PCDHA3: variants seen among roughly 807,000 people sequenced by gnomAD.
PCDHA3 encodes the protein protocadherin alpha 3.
A neutral mutation model predicts 62.2 loss-of-function variants in PCDHA3; 41 were observed. The observed-to-expected ratio is 0.66, with a 90% CI of 0.51 to 0.86. PCDHA3 has a LOEUF of 0.86. Among genes scored for constraint, PCDHA3 ranks in the 40% least tolerant of loss-of-function variants. The pLI is 0.00. For synonymous variants in PCDHA3, 640 were observed against 555.4 expected (o/e 1.15, Z -2.14); for missense variants, 1,304 against 1,241.2 (o/e 1.05, Z -0.76).
intron 1 of PCDHA3, among the ~76,000 whole-genome samples, chr5:140,908,751 C>T (rs1302522906): frequency 6.6e-6 from 1 of 152,170 alleles, no homozygotes; most frequent in Non-Finnish European, 1.5e-5. Context: ...GCAACTTGCA[C>T]ACAGCCTGGA....
chr5:140,878,125 A>T (rs1286133298), intron 1 of PCDHA3: 1 of 214,326 alleles, frequency 4.7e-6, no homozygotes, highest in Non-Finnish European at 9.0e-6. Flanking sequence ...ATATTAGATT[A>T]AAAAGTGGCC....
chr5:140,977,712 T>C (rs2153814265), intron 1 of PCDHA3, among the ~76,000 whole-genome samples: 1 of 152,306 alleles, frequency 6.6e-6, no homozygotes, highest in South Asian at 2.1e-4. Context: ...AATATTGAGA[T>C]GGTGATCATT....
chr5:140,871,461 A>G, intron 1 of PCDHA3: 1 of 1,605,278 alleles, frequency 6.2e-7, no homozygotes, highest in Non-Finnish European at 8.5e-7. Context: ...AGGAAGGGGA[A>G]AGACAGGAGC....
At chr5:140,835,925 C>A (rs1375358248) in intron 1 of PCDHA3, 3 of 1,612,234 alleles carry the variant, frequency 1.9e-6, no homozygotes, top group Non-Finnish European at 2.5e-6. Flanking sequence ...ACGCGGAGAG[C>A]GGCAAGGTGT....
At chr5:140,958,241 AT>A (rs2095415572) in intron 1 of PCDHA3, among the ~76,000 whole-genome samples, 1 of 152,118 alleles carries the variant, frequency 6.6e-6, no homozygotes, top group Non-Finnish European at 1.5e-5. Flanking sequence ...GTTTTTAACA[AT>A]TCTGAACAAA....
At chr5:140,926,850 G>A (rs375350613) in intron 1 of PCDHA3, 3 of 1,517,570 alleles carry the variant, frequency 2.0e-6, no homozygotes, top group African/African-American at 2.8e-5. Flanking sequence ...CTGGGTCACC[G>A]TTGGTGTAGC....
chr5:140,881,959 C>G (rs1012115110), intron 1 of PCDHA3: 146 of 352,464 alleles, frequency 4.1e-4, no homozygotes, highest in Non-Finnish European at 1.3e-4. Context: ...AACATTTAAT[C>G]TTCAATTACA....
chr5:140,857,086 A>G, intron 1 of PCDHA3: 1 of 1,596,918 alleles, frequency 6.3e-7, no homozygotes, highest in South Asian at 1.1e-5. Context: ...ATGATAATTC[A>G]CCTGAGGTGA....
Position 140,999,346 on chromosome 5 carries a change from T to C in PCDHA3, c.2543-10281T>C, listed in dbSNP as rs115221132. ...ATCTGTGTGATTTATAAGCCTTGTC[T>C]CTTTTTAATGTTCACAATCCCATTA... On this transcript the variant is annotated intron_variant, in intron 3 of 3. Transcript: ENST00000522353. Among the ~76,000 whole-genome samples the C allele has an allele frequency of 2.6e-3, 399 of 152,360 alleles. 2 individuals are homozygous for C. In the Middle Eastern group the frequency reaches 0.041, roughly 16 times the overall value.
chr5:141,003,254 G>A (rs782245010), intron 3 of PCDHA3, among the ~76,000 whole-genome samples: 17 of 152,190 alleles, frequency 1.1e-4, no homozygotes, highest in Non-Finnish European at 2.1e-4. Flanking sequence ...AAGATTCCTG[G>A]GCAGTGCCTA....
chr5:140,850,583 C>T, intron 1 of PCDHA3: 2 of 1,598,412 alleles, frequency 1.3e-6, no homozygotes, highest in South Asian at 1.1e-5. Context: ...TGGTGGATGT[C>T]AACGTGTACC....
chr5:140,927,587 T>C (rs1411741184), intron 1 of PCDHA3: 1 of 1,614,044 alleles, frequency 6.2e-7, no homozygotes, highest in African/African-American at 1.3e-5. Flanking sequence ...AACGCGCCTG[T>C]ATTTGAGCGC....
chr5:140,918,929 A>G (rs2078930762), intron 1 of PCDHA3, among the ~76,000 whole-genome samples: 1 of 152,226 alleles, frequency 6.6e-6, no homozygotes, highest in Non-Finnish European at 1.5e-5. Context: ...AGCATATGGC[A>G]TTTTGTTATA....
At chr5:140,828,495 T>A (rs2150156058) in intron 1 of PCDHA3, 1 of 1,614,162 alleles carries the variant, frequency 6.2e-7, no homozygotes, top group Admixed American at 1.7e-5. Context: ...TTGTTCCCGG[T>A]AGAGGAACAA....
At chr5:140,836,559 CCGT>C in intron 1 of PCDHA3, 1 of 1,613,740 alleles carries the variant, frequency 6.2e-7, no homozygotes, top group Non-Finnish European at 8.5e-7. Flanking sequence ...GTGCTCAGCG[CCGT>C]CCTCTGAGGG....
At chr5:140,853,303 A>G in intron 1 of PCDHA3, 1 of 982,870 alleles carries the variant, frequency 1.0e-6, no homozygotes, top group Non-Finnish European at 1.2e-6. Flanking sequence ...AAGGGCTGTG[A>G]ACACCTTAGT....
At chr5:140,903,873 A>G (rs1173905704) in intron 1 of PCDHA3, among the ~76,000 whole-genome samples, 2 of 152,204 alleles carry the variant, frequency 1.3e-5, no homozygotes, top group Non-Finnish European at 2.9e-5. Context: ...GTAAAATGAC[A>G]AAGACATTGA....
intron 1 of PCDHA3, among the ~76,000 whole-genome samples, chr5:140,977,960 A>G (rs760810328): frequency 9.2e-5 from 14 of 152,142 alleles, no homozygotes; most frequent in Non-Finnish European, 1.3e-4. Flanking sequence ...GGCCACCTCA[A>G]TCTCCGCCCA....
chr5:140,823,757 C>T, intron 1 of PCDHA3: 1 of 1,613,910 alleles, frequency 6.2e-7, no homozygotes, highest in Middle Eastern at 1.6e-4. Flanking sequence ...CTGACAGCCA[C>T]AGCCACAGTG....
Sources: gnomAD v4.1 joint callset for allele counts (sites outside exome capture counted in the v4.1 genomes callset) on GRCh38, gnomAD v4.1.1 for gene constraint, MANE v1.5 for transcripts, NCBI Gene and HGNC (gene_info 2026-07-23, HGNC 2026-07-21) for gene names.